Variants in TBCE observed in about 807,000 individuals in gnomAD.
TBCE encodes the protein tubulin folding cofactor E.
TBCE carries 53 observed loss-of-function variants against 77.0 expected under a neutral mutation model. The ratio of observed to expected loss-of-function variants is 0.69; its 90% CI spans 0.55 to 0.87. TBCE has a LOEUF of 0.87. TBCE is among the 40% of genes least tolerant of loss of function. The pLI, the probability that TBCE is intolerant of heterozygous loss-of-function variation, is 0.00. For synonymous variants in TBCE, 235 were observed against 241.3 expected (o/e 0.97, Z 0.24); for missense variants, 624 against 622.4 (o/e 1.00, Z -0.03).
intron 1 of TBCE, among the ~76,000 whole-genome samples, chr1:235,370,492 T>C (rs914263574): frequency 1.3e-5 from 2 of 151,646 alleles, no homozygotes; most frequent in African/African-American, 4.8e-5. Context: ...ACCTTGTGAT[T>C]CACCCGCCTC....
intron 8 of TBCE, 82 bp from the exon 9 acceptor site, chr1:235,435,663 C>G: frequency 7.3e-7 from 1 of 1,362,514 alleles, no homozygotes; most frequent in Non-Finnish European, 1.0e-6. Flanking sequence ...TCCATCGCAC[C>G]AAATGCAGGG....
chr1:235,444,546 G>T (rs1371543888), intron 15 of TBCE, among the ~76,000 whole-genome samples: 1 of 152,102 alleles, frequency 6.6e-6, no homozygotes, highest in Non-Finnish European at 1.5e-5. Context: ...TGGGACTATA[G>T]GCACGAACCA....
intron 11 of TBCE, 63 bp downstream of exon 11, chr1:235,436,671 T>C (rs1036227184): frequency 1.0e-5 from 15 of 1,465,158 alleles, no homozygotes; most frequent in Admixed American, 3.3e-5. Context: ...TGGCAGAGTT[T>C]GGAGGTTCCT....
chr1:235,375,733 G>A (rs894083913), intron 1 of TBCE, among the ~76,000 whole-genome samples: 1 of 152,054 alleles, frequency 6.6e-6, no homozygotes, highest in African/African-American at 2.4e-5. Flanking sequence ...TCAGAGACTA[G>A]ACAGGATCAT....
chr1:235,448,154 T>A (rs1025555618), intron 15 of TBCE, among the ~76,000 whole-genome samples, 195 bp from the exon 16 acceptor site: 2 of 144,874 alleles, frequency 1.4e-5, no homozygotes, highest in African/African-American at 5.2e-5. Flanking sequence ...GAGCCGAGAT[T>A]ACACCATTGC....
chr1:235,374,769 G>T (rs1474540852), intron 1 of TBCE, among the ~76,000 whole-genome samples: 2 of 145,294 alleles, frequency 1.4e-5, no homozygotes, highest in African/African-American at 5.3e-5. Flanking sequence ...CCGAAGTGCT[G>T]GGATTACAGG....
chr1:235,436,841 G>A lies in TBCE; in HGVS notation c.963+233G>A, dbSNP rs10925724. ...GCACATTAATAGAGTAAAAGGGGCCGGGTGTGGTGGCTCAAGCCTGTAATC... is the reference window on the plus strand; with the variant it reads ...GCACATTAATAGAGTAAAAGGGGCCAGGTGTGGTGGCTCAAGCCTGTAATC... On this transcript the variant is annotated intron_variant, in intron 11 of 16. Coordinates refer to ENST00000642610, the MANE Select transcript of TBCE (RefSeq NM_003193.5). Among the ~76,000 whole-genome samples, 1,052 of 152,238 alleles carry A rather than the reference G, an allele frequency of 6.9e-3. 14 individuals are homozygous for A. The highest frequency in any genetic ancestry group is 0.024 in the African/African-American group (993 of 41,540).
chr1:235,387,469 G>C (rs946770293), intron 2 of TBCE, among the ~76,000 whole-genome samples: 32 of 152,226 alleles, frequency 2.1e-4, no homozygotes, highest in African/African-American at 7.2e-4. Context: ...GAGCTTCCCG[G>C]CTGCTTTGTT....
intron 1 of TBCE, among the ~76,000 whole-genome samples, chr1:235,374,948 TCTCA>T (rs1188209481): frequency 2.5e-5 from 3 of 121,966 alleles, no homozygotes; most frequent in African/African-American, 1.1e-4. Context: ...TGAGATGGAG[TCTCA>T]CTCTGTTGCC....
intron 5 of TBCE, among the ~76,000 whole-genome samples, chr1:235,422,695 G>A (rs1173198095): frequency 1.3e-5 from 2 of 152,096 alleles, no homozygotes; most frequent in East Asian, 3.9e-4. Flanking sequence ...CAGGCATGGT[G>A]GTGGGCGCCT....
chr1:235,387,680 C>T (rs562339235), intron 2 of TBCE, among the ~76,000 whole-genome samples: 254 of 152,224 alleles, frequency 1.7e-3, no homozygotes, highest in Admixed American at 2.9e-3. Flanking sequence ...GGGAGTGACC[C>T]GATTTTCCAG....
At chr1:235,442,464 CCT>C (rs60407968) in intron 14 of TBCE, among the ~76,000 whole-genome samples, 3,261 of 152,276 alleles carry the variant, frequency 0.021, 126 homozygotes, top group African/African-American at 0.074. Context: ...GCTACCGCGC[CCT>C]GTCAAAGAAA....
chr1:235,441,988 G>A, intron 14 of TBCE, 106 bp downstream of exon 14: 1 of 977,934 alleles, frequency 1.0e-6, no homozygotes, highest in Non-Finnish European at 1.5e-6. Context: ...CTAAGTAAAT[G>A]CCTTGAGTTT....
intron 1 of TBCE, among the ~76,000 whole-genome samples, chr1:235,378,340 C>T (rs555702167): frequency 3.3e-4 from 50 of 152,234 alleles, no homozygotes; most frequent in Non-Finnish European, 6.2e-4. Flanking sequence ...CCCACTTCAG[C>T]TTCCCAAGTA....
At position 235,437,469 on chromosome 1, in the gene TBCE, T is replaced by C. The variant is rs368212312; in HGVS notation, c.1111T>C (p.Cys371Arg). ...TGGCCAGCTGAAGACGCTGAACAAA[T>C]GTGAGGTGAGCACTGGCGTCATGAC... ...SIGQLKTLNK[C>R]EILPEERRRA... is the part of the protein sequence containing the mutation. The change falls in exon 12 of 17, where the codon TGT becomes CGT. Residue 371 changes from cysteine to arginine, a missense_variant. By Grantham distance (180) the Cys-to-Arg change is radical. Transcript: ENST00000642610. The C allele has an allele frequency of 3.1e-6, 5 of 1,613,936 alleles. No homozygotes were observed. The highest frequency in any genetic ancestry group is 3.4e-6 in the Non-Finnish European group (4 of 1,179,916).
At chr1:235,389,807 T>C (rs1308521412) in intron 2 of TBCE, among the ~76,000 whole-genome samples, 1 of 152,012 alleles carries the variant, frequency 6.6e-6, no homozygotes, top group Non-Finnish European at 1.5e-5. Flanking sequence ...TTGTTGTAAA[T>C]AAACATTTTA....
intron 13 of TBCE, chr1:235,441,455 G>A (rs939394551): frequency 3.5e-6 from 1 of 284,462 alleles, no homozygotes; most frequent in African/African-American, 2.2e-5. Flanking sequence ...AACATTTGAA[G>A]TATTTGAAGG....
chr1:235,444,993 T>G (rs775865135), intron 15 of TBCE, among the ~76,000 whole-genome samples: 3 of 152,238 alleles, frequency 2.0e-5, no homozygotes, highest in Non-Finnish European at 4.4e-5. Flanking sequence ...TACACCTGAC[T>G]GGTATCCCAG....
chr1:235,442,891 T>A lies in TBCE; in HGVS notation c.1379T>A (p.Val460Asp), dbSNP rs768158218. 6.2e-6 allele frequency: 10 copies of A among 1,613,972 alleles called. No individual in the cohort carries two copies. The highest frequency in any genetic ancestry group is 5.5e-5 in the South Asian group (5 of 91,078). The change falls in exon 15 of 17, where the codon GTC (valine) becomes GAC (aspartate). Residue 460 changes from valine (V) to aspartate (D), a missense_variant. By Grantham distance (152) the Val-to-Asp change is radical. Coordinates refer to ENST00000642610, the MANE Select transcript of TBCE (RefSeq NM_003193.5). Reference protein sequence around the residue: ...IKYPHQLDQKVLEKQLPGSMT... With the variant: ...IKYPHQLDQKDLEKQLPGSMT... The stretch of plus-strand genomic sequence containing the variant: ...TACCCTCATCAACTTGATCAGAAAG[T>A]CCTGGAGAAACAACTGCCGGGTAAG...
Sources: allele counts gnomAD v4.1 joint callset (sites outside exome capture counted in the v4.1 genomes callset), GRCh38; gene constraint gnomAD v4.1.1; transcripts MANE v1.5; gene names NCBI Gene and HGNC (gene_info 2026-07-23, HGNC 2026-07-21).